Variants in EFNA2 observed in about 807,000 individuals in gnomAD.
The protein encoded by EFNA2 is ephrin-A2.
A neutral mutation model predicts 19.7 loss-of-function variants in EFNA2; 18 were observed. That is an observed-to-expected ratio of 0.91 (90% CI 0.63 to 1.35). The LOEUF is 1.35. EFNA2 is among the 40% of genes most tolerant of loss of function. EFNA2 has a pLI of 0.00. For synonymous variants in EFNA2, 187 were observed against 137.8 expected (o/e 1.36, Z -2.50); for missense variants, 303 against 296.0 (o/e 1.02, Z -0.17).
chr19:1,287,013 G>A lies in EFNA2; in HGVS notation c.140+705G>A, dbSNP rs552896135. 6.6e-6 allele frequency among the ~76,000 whole-genome samples: 1 copy of A among 152,196 alleles called. No homozygotes were observed. Among genetic ancestry groups the A allele is most frequent in the Non-Finnish European group, 1.5e-5 (1 of 68,024 alleles). On this transcript the variant is annotated intron_variant, in intron 1 of 3. Coordinates refer to ENST00000215368, the MANE Select transcript of EFNA2 (RefSeq NM_001405.4). The surrounding 1 kb of genome is among the most constrained non-coding windows in gnomAD (Gnocchi z 6.2). ...CTGGCTCAAGGTCATGCAAGGGGGG[G>A]ACTTGGGGGCAGGACCCAGGTGGCC...
rs58281257 is a variant in EFNA2 at position 1,300,241 on chromosome 19, ATTTTTTTTTT to A, written c.*322_*331del. 0.011 allele frequency: 474 copies of A among 42,672 alleles called. 2 individuals carry two copies. The highest frequency in any genetic ancestry group is 0.032 in the African/African-American group (414 of 12,884). 2.6% of individuals were successfully genotyped at this position (42,672 alleles called of 1,614,324 possible). A position where few individuals can be genotyped will look rare whatever the true frequency, so the allele number is the denominator to read the frequency against. On this transcript the variant is annotated 3_prime_UTR_variant, in exon 4 of 4. Transcript: ENST00000215368. ...CGGAGAACCCGGGAACCTCTTGGCG[ATTTTTTTTTT>A]TTTTTTTTTTTTTTTTTTTTTTTTT...
intron 2 of EFNA2, 25 bp from the exon 3 acceptor site, chr19:1,298,526 C>T (rs2144625107): frequency 6.2e-7 from 1 of 1,612,654 alleles, no homozygotes; most frequent in East Asian, 2.2e-5. Context: ...CACTTCCCCA[C>T]TCATCCCCAT....
chr19:1,295,822 T>G lies in EFNA2; in HGVS notation c.418T>G (p.Phe140Val), dbSNP rs768361982. Residue 140 changes from phenylalanine (F) to valine (V), a missense_variant, in exon 2 of 4, where the codon TTC (phenylalanine) becomes GTC (valine). Physicochemically the swap from Phe to Val is conservative, Grantham distance 50. Transcript: ENST00000215368. The surrounding 1 kb of genome is among the most constrained non-coding windows in gnomAD (Gnocchi z 5.8). ...GCTCTTCACGCCCTTCTCCCTGGGC[T>G]TCGAGTTCCGGCCCGGCCACGAGTA... ...FQLFTPFSLGFEFRPGHEYYY... is the reference protein window; with the variant it reads ...FQLFTPFSLGVEFRPGHEYYY... 6.2e-7 allele frequency: 1 copy of G among 1,606,482 alleles called. No individual in the cohort carries two copies. The highest frequency in any genetic ancestry group is 1.1e-5 in the South Asian group (1 of 90,110).
In EFNA2 at chr19:1,300,029, C is replaced by A; in HGVS notation, c.*84C>A. On this transcript the variant is annotated 3_prime_UTR_variant, in exon 4 of 4. Coordinates refer to ENST00000215368, the MANE Select transcript of EFNA2 (RefSeq NM_001405.4). ...CGGCCCTCCGGACCCGGCTGCGGCCCCCGCCTCCGAGACCAAATAGAGACG... is the reference window on the plus strand; with the variant it reads ...CGGCCCTCCGGACCCGGCTGCGGCCACCGCCTCCGAGACCAAATAGAGACG... 1 of 1,467,782 alleles carries A rather than the reference C, an allele frequency of 6.8e-7. No homozygotes were observed. The highest frequency in any genetic ancestry group is 1.4e-5 in the African/African-American group (1 of 69,942). 90.9% of individuals were successfully genotyped at this position (1,467,782 alleles called of 1,614,324 possible).
At chr19:1,290,739 G>C (rs1191934738) in intron 1 of EFNA2, among the ~76,000 whole-genome samples, 1 of 152,196 alleles carries the variant, frequency 6.6e-6, no homozygotes, top group Non-Finnish European at 1.5e-5. Context: ...GGGAGAGCTG[G>C]GCTTTGTACC....
rs2081542827 is a variant in EFNA2, at chr19:1,301,352, G to A, written c.*1407G>A. ...GGCCGCGTTGCCAGGCCTGGAGCTG[G>A]CGACCGGGCCTCCCTCTTCCCGTCA... On this transcript the variant is annotated 3_prime_UTR_variant, in exon 4 of 4. Coordinates refer to ENST00000215368, the MANE Select transcript of EFNA2 (RefSeq NM_001405.4). Among the ~76,000 whole-genome samples, 2 of 151,610 alleles carry A rather than the reference G, an allele frequency of 1.3e-5. No homozygotes were observed. The highest frequency in any genetic ancestry group is 4.8e-5 in the African/African-American group (2 of 41,370).
rs780952088 is a variant in EFNA2, at chr19:1,299,968, C to T, written c.*23C>T. The T allele has an allele frequency of 1.3e-6, 2 of 1,582,200 alleles. No homozygotes were observed. Among genetic ancestry groups the T allele is most frequent in the African/African-American group, 1.3e-5 (1 of 74,304 alleles). On this transcript the variant is annotated 3_prime_UTR_variant, in exon 4 of 4. Coordinates refer to ENST00000215368, the MANE Select transcript of EFNA2 (RefSeq NM_001405.4). ...TAGTCCCAGCCCCGCAGGACGCCGA[C>T]CCTGCCTGGACGGCCCCGCCTGGAC... is the stretch of plus-strand genomic sequence containing the variant.
intron 1 of EFNA2, among the ~76,000 whole-genome samples, chr19:1,293,751 G>A (rs764104401): frequency 6.6e-6 from 1 of 152,210 alleles, no homozygotes; most frequent in South Asian, 2.1e-4. Flanking sequence ...TGACTTCACC[G>A]CCTCCGCCGC....
intron 1 of EFNA2, among the ~76,000 whole-genome samples, chr19:1,288,733 AG>A: frequency 6.6e-6 from 1 of 151,816 alleles, no homozygotes; most frequent in East Asian, 1.9e-4. Context: ...GCCTGCACCC[AG>A]GGGACCCCGC....
chr19:1,293,575 C>T (rs368475817), intron 1 of EFNA2, among the ~76,000 whole-genome samples: 39 of 152,312 alleles, frequency 2.6e-4, no homozygotes, highest in East Asian at 1.7e-3. Flanking sequence ...TGCAAGATTC[C>T]GAAGCCCCGG....
At chr19:1,292,673 G>T (rs1460992110) in intron 1 of EFNA2, among the ~76,000 whole-genome samples, 2 of 152,170 alleles carry the variant, frequency 1.3e-5, no homozygotes, top group African/African-American at 4.8e-5. Context: ...GGGCGCAGTG[G>T]ATGGGCCACA....
chr19:1,297,980 G>A lies in EFNA2; in HGVS notation c.455-571G>A, dbSNP rs1273359267. ...CTGTTTACTTGGGAGGCTGAGGCAG[G>A]AGAATTGCTTGAACCCGGGAGGCTG... is the stretch of plus-strand genomic sequence containing the variant. On this transcript the variant is annotated intron_variant, in intron 2 of 3. Transcript: ENST00000215368. The surrounding 1 kb of genome is among the most constrained non-coding windows in gnomAD (Gnocchi z 5.0). 6.7e-6 allele frequency among the ~76,000 whole-genome samples: 1 copy of A among 149,240 alleles called. No individual in the cohort carries two copies. The highest frequency in any genetic ancestry group is 1.5e-5 in the Non-Finnish European group (1 of 67,544).
rs1419779791 is a variant in EFNA2 at position 1,301,141 on chromosome 19, G to A, written c.*1196G>A. 6.7e-6 allele frequency among the ~76,000 whole-genome samples: 1 copy of A among 149,914 alleles called. No homozygotes were observed. Among genetic ancestry groups the A allele is most frequent in the Non-Finnish European group, 1.5e-5 (1 of 67,638 alleles). ...AAAAAAAAAAAAGAAACTCCTCCCC[G>A]AAGACACTTTAATGAAGGAAACAAC... On this transcript the variant is annotated 3_prime_UTR_variant, in exon 4 of 4. Transcript: ENST00000215368.
At position 1,295,736 on chromosome 19, in the gene EFNA2, G is replaced by T. The variant is rs776506400; in HGVS notation, c.332G>T (p.Arg111Leu). 1.3e-4 allele frequency: 212 copies of T among 1,607,910 alleles called. No homozygotes were observed. Among genetic ancestry groups the T allele is most frequent in the Non-Finnish European group, 1.7e-4 (205 of 1,177,844 alleles). The change falls in exon 2 of 4, where the codon CGC becomes CTC. Residue 111 changes from arginine (R) to leucine (L), a missense_variant. Transcript: ENST00000215368. The surrounding 1 kb of genome is among the most constrained non-coding windows in gnomAD (Gnocchi z 5.8). ...SCDHRQRGFKRWECNRPAAPG... is the reference protein window; with the variant it reads ...SCDHRQRGFKLWECNRPAAPG... Reference sequence around the variant, plus strand: ...GACCACCGCCAGCGCGGCTTCAAGCGCTGGGAGTGCAACCGGCCCGCGGCG... The same window carrying T: ...GACCACCGCCAGCGCGGCTTCAAGCTCTGGGAGTGCAACCGGCCCGCGGCG...
At chr19:1,289,360 C>T (rs937275134) in intron 1 of EFNA2, among the ~76,000 whole-genome samples, 4 of 152,162 alleles carry the variant, frequency 2.6e-5, no homozygotes, top group Admixed American at 6.5e-5. Context: ...TGCGTGTCTG[C>T]GTGTGGGGTG....
intron 3 of EFNA2, among the ~76,000 whole-genome samples, chr19:1,299,522 C>T (rs181420536): frequency 1.6e-4 from 24 of 150,826 alleles, no homozygotes; most frequent in African/African-American, 5.6e-4. Context: ...CGCCACTGCA[C>T]GCCAGCCTGG....
chr19:1,290,970 G>T (rs577403494), intron 1 of EFNA2, among the ~76,000 whole-genome samples: 2 of 152,206 alleles, frequency 1.3e-5, no homozygotes, highest in Non-Finnish European at 1.5e-5. Flanking sequence ...GAGACTCAGC[G>T]GCGTGTCCCC....
At position 1,295,686 on chromosome 19, in the gene EFNA2, C is replaced by T. The variant is rs1314655930; in HGVS notation, c.282C>T (p.Val94=). ...ERMEHYVLYM[V]NGEGHASCDH... is the part of the protein sequence containing the mutation. ...TGGAGCACTACGTGCTGTACATGGT[C>T]AACGGCGAGGGCCACGCCTCCTGCG... The change falls in exon 2 of 4, where the codon GTC becomes GTT. Residue 94 remains valine (V), a synonymous_variant. Transcript: ENST00000215368. This position sits in a 1 kb window ranked among gnomAD's most constrained non-coding sequence, Gnocchi z 5.8. 1.9e-6 allele frequency: 3 copies of T among 1,609,574 alleles called. No individual in the cohort carries two copies. The highest frequency in any genetic ancestry group is 2.2e-5 in the East Asian group (1 of 44,618).
At position 1,300,445 on chromosome 19, in the gene EFNA2, AAC is replaced by A. The variant is rs1472037320; in HGVS notation, c.*504_*505del. ...CTGCTCTGCACCCCACTCGTGGGGG[AAC>A]ACAGCCGCTCCCCTCTGCTCTGCAC... On this transcript the variant is annotated 3_prime_UTR_variant, in exon 4 of 4. Transcript: ENST00000215368. Among the ~76,000 whole-genome samples, 1 of 150,576 alleles carries A rather than the reference AAC, an allele frequency of 6.6e-6. No individual in the cohort carries two copies. Among genetic ancestry groups the A allele is most frequent in the African/African-American group, 2.4e-5 (1 of 41,136 alleles).
Sources: gnomAD v4.1 joint callset for allele counts (sites outside exome capture counted in the v4.1 genomes callset) on GRCh38, gnomAD v4.1.1 for gene constraint, Gnocchi (gnomAD v3.1) non-coding constraint, MANE v1.5 for transcripts, NCBI Gene and HGNC (gene_info 2026-07-23, HGNC 2026-07-21) for gene names.